Variants in CENPI observed in about 807,000 individuals in gnomAD.
The protein encoded by CENPI is FSH primary response 1.
A neutral mutation model predicts 60.4 loss-of-function variants in CENPI; 4 were observed. The observed-to-expected ratio is 0.07, with a 90% CI of 0.03 to 0.15. CENPI has a LOEUF of 0.15. Among genes scored for constraint, CENPI ranks in the 10% least tolerant of loss-of-function variants. CENPI has a pLI of 1.00. For missense variants in CENPI, 444 were observed against 534.5 expected, an observed-to-expected ratio of 0.83 and a Z score of 1.67; for synonymous variants, 157 against 189.4, an observed-to-expected ratio of 0.83 and a Z score of 1.40.
In CENPI at chrX:101,147,518, A is replaced by G. The variant is rs193066796; in HGVS notation, c.1827-245A>G. Among the ~76,000 whole-genome samples, 224 of 111,029 alleles carry G rather than the reference A, an allele frequency of 2.0e-3. 2 individuals carry two copies. The highest frequency in any genetic ancestry group is 1.6e-3 in the Non-Finnish European group (86 of 53,062). ...TAGTGAAACATTGAAAGCATTTTTCATTGCTTATTTTTTATTTAGTCAACT... is the reference window on the plus strand; with the variant it reads ...TAGTGAAACATTGAAAGCATTTTTCGTTGCTTATTTTTTATTTAGTCAACT... On this transcript the variant is annotated intron_variant, in intron 18 of 21. Transcript: ENST00000682095.
intron 15 of CENPI, among the ~76,000 whole-genome samples, chrX:101,136,091 A>G (rs953438636): frequency 1.8e-5 from 2 of 112,294 alleles, no homozygotes; most frequent in African/African-American, 6.5e-5. Flanking sequence ...TTTTATATTT[A>G]CCTTCTCAAA....
At chrX:101,174,929 G>T in the CENPI span, among the ~76,000 whole-genome samples, 1 of 111,314 alleles carries the variant, frequency 9.0e-6, no homozygotes, top group African/African-American at 3.3e-5. Context: ...CCAACAAGGA[G>T]AAACCCCGTC....
Position 101,102,328 on chromosome X carries a change from CTG to C in CENPI, c.284_285del (p.Val95GlyfsTer15). ...AAAACCTTGGAAAAACACTTGAAAACTGTGGAAAATGTGGCTTGGAAGAATGG... is the reference window on the plus strand; with the variant it reads ...AAAACCTTGGAAAAACACTTGAAAACTGGAAAATGTGGCTTGGAAGAATGG... On this transcript the variant is annotated frameshift_variant, in exon 4 of 22. Transcript: ENST00000682095. LOFTEE classifies it high-confidence loss of function. 8.4e-7 allele frequency: 1 copy of C among 1,195,316 alleles called. No individual in the cohort carries two copies. The highest frequency in any genetic ancestry group is 1.1e-6 in the Non-Finnish European group (1 of 882,885).
intron 8 of CENPI, among the ~76,000 whole-genome samples, chrX:101,124,583 T>C (rs760286604): frequency 4.5e-5 from 5 of 111,690 alleles, no homozygotes; most frequent in Non-Finnish European, 9.4e-5. Context: ...AAATCTCATC[T>C]TGAATTATAA....
At chrX:101,154,536 G>A (rs1039961740) in intron 20 of CENPI, among the ~76,000 whole-genome samples, 2 of 111,238 alleles carry the variant, frequency 1.8e-5, no homozygotes, top group Non-Finnish European at 3.8e-5. Flanking sequence ...AGCTGAGGTC[G>A]TGCCACTTCA....
chrX:101,114,960 T>A (rs1201937058), intron 6 of CENPI, among the ~76,000 whole-genome samples: 12 of 22,120 alleles, frequency 5.4e-4, no homozygotes, highest in African/African-American at 2.0e-3. Context: ...ATAAAAAAAT[T>A]TTTTTTTTAA....
chrX:101,134,488 A>C (rs144611856), intron 15 of CENPI, among the ~76,000 whole-genome samples: 123 of 111,756 alleles, frequency 1.1e-3, no homozygotes, highest in African/African-American at 3.9e-3. Context: ...TAAAAGGATT[A>C]TTGAGCGTCA....
chrX:101,121,912 C>T (rs2089683458), intron 8 of CENPI, among the ~76,000 whole-genome samples: 1 of 105,348 alleles, frequency 9.5e-6, no homozygotes, highest in Non-Finnish European at 1.9e-5. Context: ...AAGCGATTCT[C>T]CTGCCTCAGC....
At chrX:101,143,187 G>A (rs2089930759) in intron 16 of CENPI, among the ~76,000 whole-genome samples, 1 of 110,578 alleles carries the variant, frequency 9.0e-6, no homozygotes. Context: ...GAAGTATCAT[G>A]GTGGTGGGCA....
At chrX:101,159,089 G>T (rs2090081181) in intron 20 of CENPI, among the ~76,000 whole-genome samples, 1 of 111,702 alleles carries the variant, frequency 9.0e-6, no homozygotes, top group Non-Finnish European at 1.9e-5. Flanking sequence ...GACAGAAATG[G>T]ACTGCTTTGA....
At chrX:101,125,148 A>G (rs2089721566) in intron 8 of CENPI, among the ~76,000 whole-genome samples, 1 of 111,370 alleles carries the variant, frequency 9.0e-6, no homozygotes, top group Non-Finnish European at 1.9e-5. Flanking sequence ...TCCCTTTTGC[A>G]TCCCCACTTT....
intron 20 of CENPI, among the ~76,000 whole-genome samples, chrX:101,153,342 G>C (rs1369371495): frequency 9.3e-6 from 1 of 107,082 alleles, no homozygotes; most frequent in Non-Finnish European, 1.9e-5. Context: ...TCAGGATGGA[G>C]GGCAGTGGCC....
chrX:101,144,493 C>G (rs2089946457), intron 16 of CENPI, among the ~76,000 whole-genome samples: 1 of 108,642 alleles, frequency 9.2e-6, no homozygotes, highest in Non-Finnish European at 1.9e-5. Flanking sequence ...AAGTGATCCT[C>G]CCACCTCAGC....
At position 101,128,960 on chromosome X, in the gene CENPI, G is replaced by C. The variant is rs765300355; in HGVS notation, c.1195+124G>C. 1.3e-3 allele frequency: 712 copies of C among 555,422 alleles called. 1 individual carries two copies. The highest frequency in any genetic ancestry group is 1.7e-3 in the Non-Finnish European group (618 of 354,455). 45.8% of individuals were successfully genotyped at this position (555,422 alleles called of 1,213,427 possible). On this transcript the variant is annotated intron_variant, in intron 12 of 21. Coordinates refer to ENST00000682095, the MANE Select transcript of CENPI (RefSeq NM_001386188.2). ...TATGTCTGTGGTAATCTTATATTTA[G>C]AGCATGAATGTTTCTGTTGTAATTT...
chrX:101,129,120 G>A (rs750612409), intron 12 of CENPI, among the ~76,000 whole-genome samples: 3 of 111,711 alleles, frequency 2.7e-5, no homozygotes, highest in Admixed American at 9.6e-5. Flanking sequence ...GAAACTTGCT[G>A]TTAGGGCCCC....
chrX:101,129,961 T>G, intron 12 of CENPI, 21 bp from the exon 13 acceptor site: 1 of 1,050,610 alleles, frequency 9.5e-7, no homozygotes, highest in African/African-American at 1.8e-5. Flanking sequence ...TAGATGCTTA[T>G]ATTTACTGTT....
At chrX:101,155,433 G>A (rs1388763583) in intron 20 of CENPI, among the ~76,000 whole-genome samples, 3 of 108,358 alleles carry the variant, frequency 2.8e-5, no homozygotes, top group East Asian at 2.9e-4. Context: ...CAGGTGATCC[G>A]CCCACCTCGG....
chrX:101,128,750 C>T lies in CENPI; in HGVS notation c.1109C>T (p.Ser370Phe). 1 of 1,208,915 alleles carries T rather than the reference C, an allele frequency of 8.3e-7. No individual in the cohort carries two copies. The highest frequency in any genetic ancestry group is 1.8e-5 in the South Asian group (1 of 56,765). Reference protein sequence around the residue: ...PSQMGSVLNNSLLLHYINCVR... With the variant: ...PSQMGSVLNNFLLLHYINCVR... ...CAGATGGGCTCAGTGCTAAACAACT[C>T]TCTGCTGCTTCACTACATTAACTGT... The change falls in exon 12 of 22, where the codon TCT becomes TTT. Residue 370 changes from serine (S) to phenylalanine (F), a missense_variant. Ser to Phe is a radical substitution (Grantham distance 155). Coordinates refer to ENST00000682095, the MANE Select transcript of CENPI (RefSeq NM_001386188.2).
At chrX:101,120,110 CATTA>C (rs2089661301) in intron 6 of CENPI, among the ~76,000 whole-genome samples, 2 of 112,004 alleles carry the variant, frequency 1.8e-5, no homozygotes, top group Non-Finnish European at 3.8e-5. Context: ...GAAAGGAATA[CATTA>C]ATTTTTGTTA....
Sources: gnomAD v4.1 joint callset for allele counts (sites outside exome capture counted in the v4.1 genomes callset) on GRCh38, gnomAD v4.1.1 for gene constraint, MANE v1.5 for transcripts, NCBI Gene and HGNC (gene_info 2026-07-23, HGNC 2026-07-21) for gene names.